DCBLD2: variants seen among roughly 807,000 people sequenced by gnomAD.
DCBLD2 encodes the protein discoidin, CUB and LCCL domain-containing protein 2.
In DCBLD2, 54 loss-of-function variants were observed where a neutral mutation model predicts 86.8. That is an observed-to-expected ratio of 0.62 (90% CI 0.50 to 0.78). DCBLD2 has a LOEUF of 0.78. Among genes scored for constraint, DCBLD2 ranks in the 30% least tolerant of loss-of-function variants. The pLI is 0.00. For synonymous variants in DCBLD2, 354 were observed against 341.3 expected (o/e 1.04, Z -0.41); for missense variants, 908 against 954.2 (o/e 0.95, Z 0.64).
chr3:98,840,893 A>T (rs1559782314), intron 3 of DCBLD2, among the ~76,000 whole-genome samples: 1 of 152,246 alleles, frequency 6.6e-6, no homozygotes, highest in Non-Finnish European at 1.5e-5. Context: ...TGCACGAAGT[A>T]TCACACATAT....
intron 2 of DCBLD2, among the ~76,000 whole-genome samples, chr3:98,871,006 G>C (rs1943272904): frequency 6.8e-6 from 1 of 147,450 alleles, no homozygotes; most frequent in Non-Finnish European, 1.5e-5. Context: ...CACCTCTTTG[G>C]TTAAGTATAT....
At chr3:98,884,402 C>CA (rs1943524215) in intron 1 of DCBLD2, among the ~76,000 whole-genome samples, 1 of 147,584 alleles carries the variant, frequency 6.8e-6, no homozygotes. Context: ...TTACACAGTC[C>CA]ATAAAAAAAA....
chr3:98,881,450 C>T (rs1943468651), intron 2 of DCBLD2, 90 bp downstream of exon 2: 6 of 1,199,520 alleles, frequency 5.0e-6, no homozygotes, highest in Admixed American at 1.8e-5. Context: ...TAGCACCTTA[C>T]ACTGCATGGT....
rs1343993010 is a variant in DCBLD2 at position 98,828,382 on chromosome 3, T to A, written c.572-3016A>T. ...GCATTAAAAAGACAAAGGAACCAAT[T>A]TAAAAACAGACAATGGATATGAACA... On this transcript the variant is annotated intron_variant, in intron 3 of 15. Coordinates refer to ENST00000326840, the MANE Select transcript of DCBLD2 (RefSeq NM_080927.4). 2.6e-5 allele frequency among the ~76,000 whole-genome samples: 4 copies of A among 151,960 alleles called. No individual in the cohort carries two copies. In the East Asian group the frequency reaches 7.7e-4, roughly 29 times the overall value.
intron 2 of DCBLD2, among the ~76,000 whole-genome samples, chr3:98,852,745 C>A (rs1347792181): frequency 6.6e-6 from 1 of 152,154 alleles, no homozygotes; most frequent in Non-Finnish European, 1.5e-5. Context: ...ATGCAAACAT[C>A]TATGTAGCAA....
chr3:98,800,598 C>T lies in DCBLD2; in HGVS notation c.1839G>A (p.Val613=). 6.2e-7 allele frequency: 1 copy of T among 1,613,802 alleles called. No individual in the cohort carries two copies. The highest frequency in any genetic ancestry group is 8.5e-7 in the Non-Finnish European group (1 of 1,179,790). Residue 613 remains valine (V), a synonymous_variant, in exon 15 of 16, where the codon GTG becomes GTA. Transcript: ENST00000326840. The part of the protein sequence containing the change: ...NHLSPREVTT[V]LQADSAEYAQ... ...AGTTACCTGCAGAGTCAGCCTGCAG[C>T]ACTGTGGTGACTTCTCTTGGACTCA...
chr3:98,813,249 T>C (rs957564103), intron 9 of DCBLD2: 1 of 152,082 alleles, frequency 6.6e-6, no homozygotes, highest in Non-Finnish European at 1.5e-5. Flanking sequence ...TGCCAACATG[T>C]GTGGCAATAT....
chr3:98,901,004 G>C, intron 1 of DCBLD2, 118 bp downstream of exon 1: 3 of 1,496,834 alleles, frequency 2.0e-6, no homozygotes, highest in Non-Finnish European at 1.8e-6. Flanking sequence ...AGCCAGGTCC[G>C]GCCACGCACG....
chr3:98,808,248 T>C, intron 12 of DCBLD2, 74 bp from the exon 13 acceptor site: 1 of 1,289,120 alleles, frequency 7.8e-7, no homozygotes, highest in Non-Finnish European at 1.1e-6. Context: ...TAGGGAAAAT[T>C]AACCACATCA....
chr3:98,883,209 C>T (rs1943503063), intron 1 of DCBLD2, among the ~76,000 whole-genome samples: 1 of 152,092 alleles, frequency 6.6e-6, no homozygotes, highest in South Asian at 2.1e-4. Context: ...TTGTTGGCTG[C>T]ATAAATGTCG....
At chr3:98,861,755 T>A (rs908431423) in intron 2 of DCBLD2, among the ~76,000 whole-genome samples, 1 of 152,004 alleles carries the variant, frequency 6.6e-6, no homozygotes, top group African/African-American at 2.4e-5. Flanking sequence ...AAGCACTAAA[T>A]GCCCACAAGA....
rs192367867 is a variant in DCBLD2 at position 98,822,305 on chromosome 3, G to A, written c.753C>T (p.Gly251=). ...TACTAATTACAACACTGATTTGGCC[G>A]CCCAACGTGTTTGACACTACTCCTG... ...VHAGVVSNTL[G]GQISVVISKG... The change falls in exon 6 of 16, where the codon GGC becomes GGT. Residue 251 remains glycine (G), a synonymous_variant. Transcript: ENST00000326840. The A allele has an allele frequency of 8.6e-5, 139 of 1,613,840 alleles. No individual in the cohort carries two copies. Among genetic ancestry groups the A allele is most frequent in the East Asian group, 2.0e-4 (9 of 44,876 alleles).
rs140852337 is a variant in DCBLD2 at position 98,857,786 on chromosome 3, G to A, written c.434-8188C>T. Among the ~76,000 whole-genome samples, 376 of 152,330 alleles carry A rather than the reference G, an allele frequency of 2.5e-3. 7 individuals carry two copies. The highest frequency in any genetic ancestry group is 8.8e-3 in the African/African-American group (366 of 41,586). On this transcript the variant is annotated intron_variant, in intron 2 of 15. Coordinates refer to ENST00000326840, the MANE Select transcript of DCBLD2 (RefSeq NM_080927.4). ...ACAAACCCTGAGCCACACACAGGGT[G>A]CTGATTGGTGTCTTTACAAACCTTG... is the stretch of plus-strand genomic sequence containing the variant.
At chr3:98,801,884 C>T (rs1941728114) in intron 13 of DCBLD2, 4 of 404,606 alleles carry the variant, frequency 9.9e-6, no homozygotes, top group South Asian at 1.0e-4. Context: ...AGGACAGGAA[C>T]TCATCATTTT....
intron 3 of DCBLD2, among the ~76,000 whole-genome samples, chr3:98,844,280 T>C (rs994381777): frequency 6.6e-6 from 1 of 151,888 alleles, no homozygotes; most frequent in African/African-American, 2.4e-5. Context: ...TTCATTTTAT[T>C]TTTCAATTCC....
chr3:98,819,074 T>G, intron 8 of DCBLD2, 128 bp downstream of exon 8: 1 of 921,616 alleles, frequency 1.1e-6, no homozygotes, highest in Non-Finnish European at 1.6e-6. Flanking sequence ...TTAACATCAG[T>G]GAAGAAAATA....
Position 98,796,452 on chromosome 3 carries a change from T to G in DCBLD2, c.*2920A>C, listed in dbSNP as rs1941599226. ...AGACCTCTTGCTCTCTAGGTGACAA[T>G]GCAGAGCCAGGGCAAAGGTGTTTAA... On this transcript the variant is annotated 3_prime_UTR_variant, in exon 16 of 16. Coordinates refer to ENST00000326840, the MANE Select transcript of DCBLD2 (RefSeq NM_080927.4). 6.6e-6 allele frequency: 1 copy of G among 152,652 alleles called. No individual in the cohort carries two copies. The highest frequency in any genetic ancestry group is 1.5e-5 in the Non-Finnish European group (1 of 68,040). The allele number at this position is 152,652 out of a possible 1,614,324, so 9.5% of individuals were successfully genotyped here.
chr3:98,834,099 TC>T (rs1159212419), intron 3 of DCBLD2, among the ~76,000 whole-genome samples: 11 of 151,754 alleles, frequency 7.2e-5, no homozygotes, highest in African/African-American at 2.7e-4. Flanking sequence ...TGGGTGGTTG[TC>T]CTGCTTTGCT....
chr3:98,816,268 C>T (rs1181268835), intron 9 of DCBLD2: 2 of 149,536 alleles, frequency 1.3e-5, no homozygotes, highest in Non-Finnish European at 3.0e-5. Flanking sequence ...CAAAAAACCA[C>T]TGATCAACCC....
Sources: allele counts gnomAD v4.1 joint callset (sites outside exome capture counted in the v4.1 genomes callset), GRCh38; gene constraint gnomAD v4.1.1; transcripts MANE v1.5; gene names NCBI Gene and HGNC (gene_info 2026-07-23, HGNC 2026-07-21).